Variants in AFF1 observed in about 807,000 individuals in gnomAD.
The protein encoded by AFF1 is AF4/FMR2 family member 1.
AFF1 carries 48 observed loss-of-function variants against 121.7 expected under a neutral mutation model. The ratio of observed to expected loss-of-function variants is 0.39; its 90% CI spans 0.31 to 0.50. The LOEUF (loss-of-function observed/expected upper bound fraction) is 0.50. AFF1 is among the 20% of genes least tolerant of loss of function. The pLI, the probability that AFF1 is intolerant of heterozygous loss-of-function variation, is 0.76. For missense variants in AFF1, 1,523 were observed against 1,511.7 expected, an observed-to-expected ratio of 1.01 and a Z score of -0.12; for synonymous variants, 613 against 563.0, an observed-to-expected ratio of 1.09 and a Z score of -1.26.
intron 4 of AFF1, among the ~76,000 whole-genome samples, chr4:87,082,029 CTG>C (rs1179516530): frequency 6.6e-6 from 1 of 152,116 alleles, no homozygotes; most frequent in Non-Finnish European, 1.5e-5. Context: ...TTTGAAATCA[CTG>C]TGTTGGAAAC....
chr4:87,057,916 C>T (rs1170625279), intron 4 of AFF1, among the ~76,000 whole-genome samples: 1 of 152,152 alleles, frequency 6.6e-6, no homozygotes, highest in African/African-American at 2.4e-5. Flanking sequence ...CCATCCCCAC[C>T]CCTGCCTGAT....
At chr4:87,011,795 C>A (rs1197047757) in intron 2 of AFF1, among the ~76,000 whole-genome samples, 1 of 152,174 alleles carries the variant, frequency 6.6e-6, no homozygotes, top group Non-Finnish European at 1.5e-5. Context: ...GACTCACAGT[C>A]TAGAGCTGCT....
chr4:87,068,980 G>A (rs897573087), intron 4 of AFF1, among the ~76,000 whole-genome samples: 2 of 152,188 alleles, frequency 1.3e-5, no homozygotes, highest in Non-Finnish European at 2.9e-5. Flanking sequence ...TGCAGCAGCT[G>A]GAGGTTCAGG....
At position 87,126,092 on chromosome 4, in the gene AFF1, A is replaced by C. The variant is rs574764828; in HGVS notation, c.2574-7A>C. ...TCCTCTTAGTTTTACGTGATGTTTCACTCCAGGCCCTCCAGGCCCTCCTCA... is the reference window on the plus strand; with the variant it reads ...TCCTCTTAGTTTTACGTGATGTTTCCCTCCAGGCCCTCCAGGCCCTCCTCA... On this transcript the variant is annotated splice_region_variant and splice_polypyrimidine_tract_variant and intron_variant, in intron 13 of 20. Transcript: ENST00000395146. 1 of 1,613,114 alleles carries C rather than the reference A, an allele frequency of 6.2e-7. No individual in the cohort carries two copies. The highest frequency in any genetic ancestry group is 2.2e-5 in the East Asian group (1 of 44,852).
intron 2 of AFF1, among the ~76,000 whole-genome samples, chr4:86,969,897 A>AAAAAG (rs1722821231): frequency 1.4e-5 from 2 of 145,564 alleles, no homozygotes; most frequent in Admixed American, 6.9e-5. Flanking sequence ...AAAAAAAAAA[A>AAAAAG]GGTAAGATAG....
At chr4:86,936,400 G>A (rs1578802413) in intron 1 of AFF1, 1 of 152,252 alleles carries the variant, frequency 6.6e-6, no homozygotes, top group Non-Finnish European at 1.5e-5. Context: ...GCACAGAAAC[G>A]TTAGGTAGGA....
intron 1 of AFF1, among the ~76,000 whole-genome samples, chr4:86,937,631 G>T (rs1720120412): frequency 2.0e-5 from 3 of 152,040 alleles, no homozygotes; most frequent in Admixed American, 1.3e-4. Flanking sequence ...ACTTAGGCTG[G>T]AGTGCGGTGG....
chr4:87,105,639 A>G lies in AFF1; in HGVS notation c.1295A>G (p.Asp432Gly), dbSNP rs1359464860. The G allele has an allele frequency of 1.2e-6, 2 of 1,614,210 alleles. No individual in the cohort carries two copies. Among genetic ancestry groups the G allele is most frequent in the Non-Finnish European group, 8.5e-7 (1 of 1,180,022 alleles). Reference sequence around the variant, plus strand: ...CCTGCCCATTCCAGCATGCTCGAAGACGACCTTCAGCTCAGTGACAGTGAG... The same window carrying G: ...CCTGCCCATTCCAGCATGCTCGAAGGCGACCTTCAGCTCAGTGACAGTGAG... ...SQQGTSSMLEDDLQLSDSEDS... is the reference protein window; with the variant it reads ...SQQGTSSMLEGDLQLSDSEDS... Residue 432 changes from aspartate (D) to glycine (G), a missense_variant, in exon 9 of 21, where the codon GAC (aspartate) becomes GGC (glycine). This residue lies in a region of AFF1 where 905 missense variants were observed against 842.5 expected (regional missense o/e 1.07). Transcript: ENST00000395146.
At chr4:87,060,095 T>C (rs1466536770) in intron 4 of AFF1, among the ~76,000 whole-genome samples, 3 of 152,218 alleles carry the variant, frequency 2.0e-5, no homozygotes, top group Non-Finnish European at 4.4e-5. Context: ...TGTTCAATAA[T>C]GTTTTTGAGA....
chr4:87,069,618 C>T (rs1405027874), intron 4 of AFF1, among the ~76,000 whole-genome samples: 1 of 151,002 alleles, frequency 6.6e-6, no homozygotes, highest in Non-Finnish European at 1.5e-5. Flanking sequence ...CTTCCCTTTC[C>T]CCCCACTTCC....
intron 2 of AFF1, among the ~76,000 whole-genome samples, chr4:86,967,106 A>C (rs1722589238): frequency 1.3e-5 from 2 of 152,166 alleles, no homozygotes. Context: ...TTTGTCTGTC[A>C]GTGCTATCAG....
chr4:87,039,113 A>G (rs925181881), intron 2 of AFF1, among the ~76,000 whole-genome samples: 4 of 152,200 alleles, frequency 2.6e-5, no homozygotes, highest in Admixed American at 2.6e-4. Flanking sequence ...CAGAGCCAAC[A>G]CACTGCCCCA....
At chr4:87,110,592 C>G (rs1726391146) in intron 11 of AFF1, among the ~76,000 whole-genome samples, 1 of 151,738 alleles carries the variant, frequency 6.6e-6, no homozygotes. Flanking sequence ...AATTTTTTAG[C>G]TCCCACAAAT....
At position 87,135,920 on chromosome 4, in the gene AFF1, A is replaced by G. The variant is rs1729264932; in HGVS notation, c.*219A>G. The G allele has an allele frequency of 3.1e-6, 2 of 651,096 alleles. No homozygotes were observed. Among genetic ancestry groups the G allele is most frequent in the Non-Finnish European group, 4.5e-6 (2 of 440,222 alleles). The allele number at this position is 651,096 out of a possible 1,614,324, so 40.3% of individuals were successfully genotyped here. ...AGAGATGAGGAGGCTGGCCCCAGAG[A>G]TGATCTTGCCCTTCCTAACTAAAGG... On this transcript the variant is annotated 3_prime_UTR_variant, in exon 21 of 21. Transcript: ENST00000395146.
chr4:87,023,739 A>C (rs778828856), intron 2 of AFF1, among the ~76,000 whole-genome samples: 5 of 152,240 alleles, frequency 3.3e-5, no homozygotes, highest in Non-Finnish European at 7.3e-5. Flanking sequence ...AATGTCCAAC[A>C]TTTGGAATAA....
chr4:87,136,162 A>G lies in AFF1; in HGVS notation c.*461A>G, dbSNP rs1339982932. The G allele has an allele frequency of 8.6e-6, 2 of 231,588 alleles. No homozygotes were observed. Among genetic ancestry groups the G allele is most frequent in the African/African-American group, 4.4e-5 (2 of 45,000 alleles). The allele number at this position is 231,588 out of a possible 1,614,324, so 14.3% of individuals were successfully genotyped here. A position where few individuals can be genotyped will look rare whatever the true frequency, so the allele number is the denominator to read the frequency against. On this transcript the variant is annotated 3_prime_UTR_variant, in exon 21 of 21. Coordinates refer to ENST00000395146, the MANE Select transcript of AFF1 (RefSeq NM_001166693.3). The stretch of plus-strand genomic sequence containing the variant: ...CTTTTGGTAAAGGGTTTTGTGGATG[A>G]TTTTTTTTCTTTTGAGTTTTGGGAG...
rs1231123731 is a variant in AFF1, at chr4:87,105,661, T to C, written c.1317T>C (p.Ser439=). The C allele has an allele frequency of 6.2e-7, 1 of 1,614,104 alleles. No individual in the cohort carries two copies. The highest frequency in any genetic ancestry group is 2.2e-5 in the East Asian group (1 of 44,892). Residue 439 remains serine (S), a synonymous_variant, in exon 9 of 21, where the codon AGT becomes AGC. Coordinates refer to ENST00000395146, the MANE Select transcript of AFF1 (RefSeq NM_001166693.3). ...MLEDDLQLSD[S]EDSDSEQTPE... is the part of the protein sequence containing the mutation. ...AAGACGACCTTCAGCTCAGTGACAG[T>C]GAGGACAGTGACAGTGAACAAGTAA... is the stretch of plus-strand genomic sequence containing the variant.
intron 2 of AFF1, among the ~76,000 whole-genome samples, chr4:86,967,779 T>A (rs941263551): frequency 6.6e-6 from 1 of 152,128 alleles, no homozygotes; most frequent in African/African-American, 2.4e-5. Context: ...TGGTACAAGT[T>A]CCTTTTTGAG....
chr4:86,997,745 G>T (rs1297064081), intron 2 of AFF1, among the ~76,000 whole-genome samples: 1 of 145,428 alleles, frequency 6.9e-6, no homozygotes, highest in Non-Finnish European at 1.5e-5. Flanking sequence ...CTGGGCAACA[G>T]ATCGAGACTC....
Sources: allele counts gnomAD v4.1 joint callset (sites outside exome capture counted in the v4.1 genomes callset), GRCh38; gene constraint gnomAD v4.1.1; regional missense constraint gnomAD v4.1.1; transcripts MANE v1.5; gene names NCBI Gene and HGNC (gene_info 2026-07-23, HGNC 2026-07-21).